Variants in DYM observed in about 807,000 individuals in gnomAD.
The protein encoded by DYM is dymeclin.
In DYM, 78 loss-of-function variants were observed where a neutral mutation model predicts 93.1. The observed-to-expected ratio is 0.84, with a 90% CI of 0.70 to 1.01. The LOEUF (loss-of-function observed/expected upper bound fraction) is 1.01. DYM is among the 50% of genes least tolerant of loss of function. DYM has a pLI of 0.00. For missense variants in DYM, 789 were observed against 845.0 expected (o/e 0.93, Z 0.82); for synonymous variants, 321 against 319.7 (o/e 1.00, Z -0.04).
At chr18:49,427,551 A>G (rs919063476) in intron 2 of DYM, among the ~76,000 whole-genome samples, 1 of 152,162 alleles carries the variant, frequency 6.6e-6, no homozygotes, top group Admixed American at 6.5e-5. Flanking sequence ...AATTATTGTT[A>G]ATTTTGTGAG....
At chr18:49,248,504 G>C (rs1009952964) in intron 13 of DYM, among the ~76,000 whole-genome samples, 3 of 152,026 alleles carry the variant, frequency 2.0e-5, no homozygotes, top group African/African-American at 7.2e-5. Context: ...AAATAACTCA[G>C]CAAGGTTTTG....
intron 15 of DYM, among the ~76,000 whole-genome samples, chr18:49,141,724 C>T (rs2084521351): frequency 6.6e-6 from 1 of 152,142 alleles, no homozygotes; most frequent in Non-Finnish European, 1.5e-5. Context: ...TATTTTAGCT[C>T]CATTTTTAAT....
At chr18:49,299,567 C>T (rs1326870565) in intron 8 of DYM, among the ~76,000 whole-genome samples, 3 of 152,154 alleles carry the variant, frequency 2.0e-5, no homozygotes, top group Non-Finnish European at 2.9e-5. Flanking sequence ...CCCTGACATG[C>T]ATACCCATCT....
intron 16 of DYM, among the ~76,000 whole-genome samples, chr18:49,103,356 G>T (rs1256415191): frequency 6.6e-6 from 1 of 152,004 alleles, no homozygotes; most frequent in Non-Finnish European, 1.5e-5. Flanking sequence ...CTCCCATTCT[G>T]TAGGTTGCCT....
At chr18:49,117,978 T>C (rs890634835) in intron 16 of DYM, among the ~76,000 whole-genome samples, 1 of 145,216 alleles carries the variant, frequency 6.9e-6, no homozygotes, top group Non-Finnish European at 1.5e-5. Flanking sequence ...ATTACAGGCA[T>C]AAGCCACTGT....
chr18:49,207,887 A>ATT (rs2092597695), intron 14 of DYM, among the ~76,000 whole-genome samples: 1 of 152,172 alleles, frequency 6.6e-6, no homozygotes. Flanking sequence ...ACACTAGTAA[A>ATT]TAAGAGTAAG....
intron 17 of DYM, among the ~76,000 whole-genome samples, chr18:49,068,470 C>A (rs2076641086): frequency 6.6e-6 from 1 of 152,152 alleles, no homozygotes; most frequent in Admixed American, 6.5e-5. Flanking sequence ...CTAAGGCTTA[C>A]AATGGAGAAG....
intron 1 of DYM, among the ~76,000 whole-genome samples, chr18:49,449,870 G>C (rs1394796226): frequency 6.6e-6 from 1 of 152,156 alleles, no homozygotes; most frequent in Non-Finnish European, 1.5e-5. Flanking sequence ...CTGGGTCCTA[G>C]ACTCCACACC....
chr18:49,217,301 GA>G (rs1468291556), intron 13 of DYM, among the ~76,000 whole-genome samples: 1 of 152,220 alleles, frequency 6.6e-6, no homozygotes, highest in Non-Finnish European at 1.5e-5. Context: ...AAGTGACGGG[GA>G]GGATGGAACC....
intron 13 of DYM, among the ~76,000 whole-genome samples, chr18:49,215,795 T>G (rs111265908): frequency 6.6e-6 from 1 of 152,100 alleles, no homozygotes; most frequent in Non-Finnish European, 1.5e-5. Flanking sequence ...TAGGAACAGC[T>G]CCGGTCTACA....
intron 17 of DYM, among the ~76,000 whole-genome samples, chr18:49,073,307 A>G (rs1477870050): frequency 6.6e-6 from 1 of 152,232 alleles, no homozygotes; most frequent in African/African-American, 2.4e-5. Context: ...ATATCTTAAC[A>G]CTTTTCAAGT....
At chr18:49,080,816 T>G (rs2077904656) in intron 17 of DYM, among the ~76,000 whole-genome samples, 1 of 138,142 alleles carries the variant, frequency 7.2e-6, no homozygotes, top group South Asian at 2.4e-4. Flanking sequence ...GTCTCCTCAC[T>G]TCTCAGACGG....
At chr18:49,280,247 T>C (rs938752420) in intron 10 of DYM, among the ~76,000 whole-genome samples, 4 of 152,130 alleles carry the variant, frequency 2.6e-5, no homozygotes, top group African/African-American at 9.7e-5. Context: ...TGAACAAAAA[T>C]TTGAGAACTA....
At chr18:49,188,343 CA>C (rs1476686866) in intron 14 of DYM, among the ~76,000 whole-genome samples, 7 of 152,180 alleles carry the variant, frequency 4.6e-5, no homozygotes. Flanking sequence ...AGGCCCATCA[CA>C]GCTAGACAAT....
In DYM at chr18:49,457,587, G is replaced by T. The variant is rs532417984; in HGVS notation, c.-54+2811C>A. On this transcript the variant is annotated intron_variant, in intron 1 of 17. Coordinates refer to ENST00000675505, the MANE Select transcript of DYM (RefSeq NM_001353214.3). ...ATCCTAAGTAAAAGACGGCCCTCTC[G>T]TTGCATGTACAGCAGCAAAAGAAAT... is the stretch of plus-strand genomic sequence containing the variant. 1.3e-4 allele frequency among the ~76,000 whole-genome samples: 20 copies of T among 152,212 alleles called. No individual in the cohort carries two copies. The South Asian group carries it at 3.9e-3, about 30-fold the overall frequency.
At chr18:49,242,415 AAAT>A (rs779866003) in intron 13 of DYM, among the ~76,000 whole-genome samples, 6 of 152,210 alleles carry the variant, frequency 3.9e-5, no homozygotes, top group South Asian at 4.1e-4. Context: ...CCGTCTCAAA[AAAT>A]AATAATAACA....
At chr18:49,074,256 G>A (rs2077124107) in intron 17 of DYM, among the ~76,000 whole-genome samples, 1 of 152,056 alleles carries the variant, frequency 6.6e-6, no homozygotes, top group Non-Finnish European at 1.5e-5. Flanking sequence ...GTTTTTTCTT[G>A]CCATTATCCC....
At chr18:49,428,422 C>T (rs939433615) in intron 2 of DYM, among the ~76,000 whole-genome samples, 9 of 152,236 alleles carry the variant, frequency 5.9e-5, no homozygotes, top group Admixed American at 5.9e-4. Context: ...CAGTGTCTCA[C>T]GCCTGTAATC....
At chr18:49,152,505 A>G (rs1161580691) in intron 15 of DYM, among the ~76,000 whole-genome samples, 1 of 152,154 alleles carries the variant, frequency 6.6e-6, no homozygotes, top group African/African-American at 2.4e-5. Context: ...GAGTTTGCTT[A>G]CTCGCTACAG....
Sources: gnomAD v4.1 joint callset for allele counts (sites outside exome capture counted in the v4.1 genomes callset) on GRCh38, gnomAD v4.1.1 for gene constraint, MANE v1.5 for transcripts, NCBI Gene and HGNC (gene_info 2026-07-23, HGNC 2026-07-21) for gene names.